Variants in SLC39A11 observed in about 807,000 individuals in gnomAD.
SLC39A11 encodes solute carrier family 39 member 11, also known as zinc transporter ZIP11.
SLC39A11 carries 33 observed loss-of-function variants against 36.1 expected under a neutral mutation model. That is an observed-to-expected ratio of 0.91 (90% CI 0.69 to 1.22). The LOEUF is 1.22. SLC39A11 is among the 50% of genes most tolerant of loss of function. The pLI is 0.00. For synonymous variants in SLC39A11, 166 were observed against 170.3 expected (o/e 0.97, Z 0.20); for missense variants, 432 against 430.3 (o/e 1.00, Z -0.03).
intron 4 of SLC39A11, among the ~76,000 whole-genome samples, chr17:73,022,609 A>AAG (rs1463523477): frequency 6.6e-6 from 1 of 150,422 alleles, no homozygotes; most frequent in Non-Finnish European, 1.5e-5. Flanking sequence ...AAAAAAAAAA[A>AAG]AAAAAAAAAA....
At chr17:72,860,986 C>G (rs1338579828) in intron 5 of SLC39A11, among the ~76,000 whole-genome samples, 1 of 152,148 alleles carries the variant, frequency 6.6e-6, no homozygotes, top group Non-Finnish European at 1.5e-5. Context: ...ACCCATCTAG[C>G]ACATAACACG....
At chr17:72,716,990 T>C (rs865876854) in intron 7 of SLC39A11, among the ~76,000 whole-genome samples, 3,880 of 123,086 alleles carry the variant, frequency 0.032, 153 homozygotes, top group African/African-American at 0.12. Context: ...AATATATATA[T>C]ATACACACAC....
chr17:72,939,840 T>A (rs1228709648), intron 5 of SLC39A11, among the ~76,000 whole-genome samples: 1 of 152,178 alleles, frequency 6.6e-6, no homozygotes, highest in Non-Finnish European at 1.5e-5. Flanking sequence ...AACCATCCCT[T>A]CTCTGAAGGG....
chr17:72,941,142 G>A (rs987199394), intron 5 of SLC39A11, among the ~76,000 whole-genome samples: 2 of 152,098 alleles, frequency 1.3e-5, no homozygotes, highest in Admixed American at 6.5e-5. Flanking sequence ...GTGTGGTGGC[G>A]CACTCCTGTA....
intron 4 of SLC39A11, among the ~76,000 whole-genome samples, chr17:72,959,324 T>TAC (rs2086454103): frequency 6.8e-5 from 2 of 29,230 alleles, no homozygotes; most frequent in Admixed American, 4.7e-4. Flanking sequence ...TGTGTGTGTG[T>TAC]GTATATATAT....
At chr17:72,815,444 C>T (rs1222550263) in intron 6 of SLC39A11, among the ~76,000 whole-genome samples, 2 of 151,168 alleles carry the variant, frequency 1.3e-5, no homozygotes, top group South Asian at 2.1e-4. Flanking sequence ...ATGGAGAAAC[C>T]CTGTCTCTAC....
intron 6 of SLC39A11, among the ~76,000 whole-genome samples, chr17:72,773,658 C>T (rs2076027952): frequency 6.6e-6 from 1 of 150,482 alleles, no homozygotes; most frequent in Non-Finnish European, 1.5e-5. Context: ...CACACACACA[C>T]ACACACACAC....
intron 3 of SLC39A11, among the ~76,000 whole-genome samples, chr17:73,057,884 C>T (rs541538281): frequency 3.3e-5 from 5 of 152,274 alleles, no homozygotes; most frequent in African/African-American, 1.2e-4. Flanking sequence ...TTGCAGTGAG[C>T]CAAGATCGTG....
chr17:72,895,079 C>T (rs999762813), intron 5 of SLC39A11, among the ~76,000 whole-genome samples: 1 of 150,722 alleles, frequency 6.6e-6, no homozygotes, highest in African/African-American at 2.5e-5. Flanking sequence ...TTCAAGGTAG[C>T]TATTGCTAGT....
rs79528942 is a variant in SLC39A11, at chr17:73,013,779, T to C, written c.306+17777A>G. On this transcript the variant is annotated intron_variant, in intron 4 of 9. Coordinates refer to ENST00000255559, the MANE Select transcript of SLC39A11 (RefSeq NM_139177.4). ...AGGGAAGCCAAAAGATTGGACACAC[T>C]TGCTGTAAAGGATCACATCCACATG... Among the ~76,000 whole-genome samples the C allele has an allele frequency of 3.9e-3, 597 of 152,272 alleles. 3 individuals carry two copies. Among genetic ancestry groups the C allele is most frequent in the African/African-American group, 0.014 (571 of 41,538 alleles).
Position 72,817,154 on chromosome 17 carries a change from A to G in SLC39A11, c.601+32480T>C, listed in dbSNP as rs9906682. On this transcript the variant is annotated intron_variant, in intron 6 of 9. Coordinates refer to ENST00000255559, the MANE Select transcript of SLC39A11 (RefSeq NM_139177.4). ...TAAAGAAAAGAGATTTATTTGGCCA[A>G]TGGTTCTGAAGCCTGTACAAGAAGC... is the stretch of plus-strand genomic sequence containing the variant. 8.4e-3 allele frequency among the ~76,000 whole-genome samples: 1,275 copies of G among 152,208 alleles called. 27 individuals are homozygous for G. Among genetic ancestry groups the G allele is most frequent in the African/African-American group, 0.03 (1,240 of 41,540 alleles).
chr17:73,083,653 G>A (rs532327907), intron 3 of SLC39A11, among the ~76,000 whole-genome samples: 4 of 152,058 alleles, frequency 2.6e-5, no homozygotes, highest in Admixed American at 2.6e-4. Flanking sequence ...AGCACCACGA[G>A]GAAGTAATCA....
chr17:72,734,861 C>T (rs1036724515), intron 7 of SLC39A11, among the ~76,000 whole-genome samples: 1 of 152,152 alleles, frequency 6.6e-6, no homozygotes, highest in African/African-American at 2.4e-5. Flanking sequence ...AGGTCACACC[C>T]TCTGGGCTCT....
At chr17:72,931,509 C>T (rs1256707232) in intron 5 of SLC39A11, among the ~76,000 whole-genome samples, 1 of 152,184 alleles carries the variant, frequency 6.6e-6, no homozygotes, top group African/African-American at 2.4e-5. Flanking sequence ...ACCCGCTCTC[C>T]GTTCATCCGC....
chr17:72,905,000 C>T (rs1050979364), intron 5 of SLC39A11, among the ~76,000 whole-genome samples: 3 of 151,374 alleles, frequency 2.0e-5, no homozygotes, highest in South Asian at 2.1e-4. Flanking sequence ...GGTGAAACCC[C>T]GTCTCTACTA....
At chr17:72,710,591 G>A (rs1181011413) in intron 7 of SLC39A11, among the ~76,000 whole-genome samples, 2 of 152,082 alleles carry the variant, frequency 1.3e-5, no homozygotes, top group Admixed American at 1.3e-4. Context: ...CCTTGATCTT[G>A]GACTTTACAG....
chr17:72,789,694 T>C (rs1015555954), intron 6 of SLC39A11, among the ~76,000 whole-genome samples: 6 of 152,218 alleles, frequency 3.9e-5, no homozygotes, highest in Non-Finnish European at 8.8e-5. Context: ...GAATTAGTTA[T>C]AAGAAAGAAC....
At chr17:72,859,681 C>G (rs1418245530) in intron 5 of SLC39A11, among the ~76,000 whole-genome samples, 3 of 150,642 alleles carry the variant, frequency 2.0e-5, no homozygotes, top group Non-Finnish European at 4.4e-5. Context: ...CACGTGTAGC[C>G]CAGGGCAGGA....
intron 4 of SLC39A11, among the ~76,000 whole-genome samples, chr17:72,981,594 C>CAA (rs11444135): frequency 0.48 from 63,425 of 130,842 alleles, 15,734 homozygotes; most frequent in South Asian, 0.66. Context: ...TATTTAAATG[C>CAA]AAAAAAAAAA....
Sources: gnomAD v4.1 joint callset for allele counts (sites outside exome capture counted in the v4.1 genomes callset) on GRCh38, gnomAD v4.1.1 for gene constraint, MANE v1.5 for transcripts, NCBI Gene and HGNC (gene_info 2026-07-23, HGNC 2026-07-21) for gene names.